The following RAD51B variants were observed in gnomAD, a reference collection of about 807,000 sequenced individuals.
RAD51B encodes the protein DNA repair protein RAD51 homolog 2.
RAD51B carries 38 observed loss-of-function variants against 42.2 expected under a neutral mutation model. The ratio of observed to expected loss-of-function variants is 0.90; its 90% CI spans 0.70 to 1.18. The LOEUF (loss-of-function observed/expected upper bound fraction) is 1.18. Among genes scored for constraint, RAD51B ranks in the 50% most tolerant of loss-of-function variants. The pLI is 0.00. For missense variants in RAD51B, 373 were observed against 400.7 expected (o/e 0.93, Z 0.59); for synonymous variants, 154 against 145.2 (o/e 1.06, Z -0.43).
chr14:68,530,005 A>G (rs1215118928), intron 10 of RAD51B, among the ~76,000 whole-genome samples: 3 of 152,258 alleles, frequency 2.0e-5, no homozygotes, highest in Non-Finnish European at 2.9e-5. Context: ...AGATAAAATT[A>G]GTGAATAGGA....
At chr14:67,833,205 G>A (rs933667854) in intron 3 of RAD51B, among the ~76,000 whole-genome samples, 7 of 152,000 alleles carry the variant, frequency 4.6e-5, no homozygotes, top group Admixed American at 1.3e-4. Flanking sequence ...GCAAAACCCC[G>A]TCTCTACTAA....
chr14:68,098,612 C>T (rs758825656), intron 7 of RAD51B, among the ~76,000 whole-genome samples: 32 of 152,230 alleles, frequency 2.1e-4, no homozygotes, highest in Non-Finnish European at 1.3e-4. Flanking sequence ...CATCAGATCT[C>T]GTGAGACTTA....
intron 10 of RAD51B, among the ~76,000 whole-genome samples, chr14:68,549,704 G>A (rs865973053): frequency 1.3e-5 from 2 of 150,710 alleles, no homozygotes; most frequent in Admixed American, 6.6e-5. Context: ...GTGAGCCACC[G>A]CGCCCGGCCG....
chr14:67,864,812 C>A, intron 4 of RAD51B, 191 bp from the exon 5 acceptor site: 1 of 923,552 alleles, frequency 1.1e-6, no homozygotes, highest in Non-Finnish European at 1.7e-6. Context: ...AGTGCCAATT[C>A]AGATGCAGAG....
intron 7 of RAD51B, among the ~76,000 whole-genome samples, chr14:68,105,953 G>A (rs908408650): frequency 6.6e-6 from 1 of 151,894 alleles, no homozygotes; most frequent in Admixed American, 6.6e-5. Flanking sequence ...AAACCAATTA[G>A]TTAGTAATGA....
At chr14:68,067,988 G>A (rs140598888) in intron 7 of RAD51B, among the ~76,000 whole-genome samples, 1 of 143,550 alleles carries the variant, frequency 7.0e-6, no homozygotes, top group East Asian at 2.2e-4. Flanking sequence ...AGTGGTATTT[G>A]AATGGGCTCT....
intron 9 of RAD51B, among the ~76,000 whole-genome samples, chr14:68,428,707 T>TA (rs2084915194): frequency 2.0e-5 from 2 of 99,594 alleles, no homozygotes; most frequent in African/African-American, 9.6e-5. Context: ...AGGATTTTCT[T>TA]TATATATATA....
intron 4 of RAD51B, among the ~76,000 whole-genome samples, chr14:67,856,219 G>A (rs576385691): frequency 6.6e-6 from 1 of 151,998 alleles, no homozygotes; most frequent in Non-Finnish European, 1.5e-5. Flanking sequence ...TTCCAAAACG[G>A]CAGCTGTCAA....
chr14:68,456,619 A>G (rs1358489286), intron 9 of RAD51B, among the ~76,000 whole-genome samples: 3 of 152,198 alleles, frequency 2.0e-5, no homozygotes, highest in African/African-American at 7.2e-5. Flanking sequence ...AGAAATAGAA[A>G]TTCAATGATA....
At chr14:68,242,688 C>T (rs961787301) in intron 7 of RAD51B, among the ~76,000 whole-genome samples, 1 of 152,180 alleles carries the variant, frequency 6.6e-6, no homozygotes, top group African/African-American at 2.4e-5. Flanking sequence ...CTGAGCCCTT[C>T]CTAGGTGCTA....
At chr14:68,632,237 G>A (rs182730112) in intron 10 of RAD51B, among the ~76,000 whole-genome samples, 1 of 152,168 alleles carries the variant, frequency 6.6e-6, no homozygotes, top group African/African-American at 2.4e-5. Flanking sequence ...CCTCCGGGAG[G>A]TTCTTTACTG....
chr14:67,960,705 C>T (rs1012107665), intron 7 of RAD51B, among the ~76,000 whole-genome samples: 1 of 152,146 alleles, frequency 6.6e-6, no homozygotes, highest in East Asian at 1.9e-4. Flanking sequence ...GTCTAGCTCT[C>T]TTGCTCAGGC....
chr14:67,905,477 C>T (rs1370240295), intron 7 of RAD51B, among the ~76,000 whole-genome samples: 1 of 152,088 alleles, frequency 6.6e-6, no homozygotes, highest in Non-Finnish European at 1.5e-5. Flanking sequence ...ATAGAAATAG[C>T]ATTGAATCTG....
intron 10 of RAD51B, among the ~76,000 whole-genome samples, chr14:68,569,410 G>A (rs17756147): frequency 0.16 from 24,205 of 152,196 alleles, 2,509 homozygotes; most frequent in Non-Finnish European, 0.24. Flanking sequence ...AAAGAGGCTC[G>A]TTTTGTGTTT....
chr14:68,292,028 C>A, intron 8 of RAD51B, 48 bp downstream of exon 8: 1 of 1,478,852 alleles, frequency 6.8e-7, no homozygotes, highest in Non-Finnish European at 9.5e-7. Context: ...TGACATAGAG[C>A]CCCACTGCCT....
At chr14:68,075,925 G>C (rs2076826405) in intron 7 of RAD51B, among the ~76,000 whole-genome samples, 1 of 152,244 alleles carries the variant, frequency 6.6e-6, no homozygotes, top group Admixed American at 6.5e-5. Flanking sequence ...GGGGCTGTCA[G>C]TTGTCTCTGG....
chr14:68,559,063 G>GTAA (rs939474591), intron 10 of RAD51B, among the ~76,000 whole-genome samples: 19 of 151,102 alleles, frequency 1.3e-4, no homozygotes, highest in African/African-American at 4.6e-4. Context: ...ATAGGTATTT[G>GTAA]TAATATATAT....
intron 7 of RAD51B, among the ~76,000 whole-genome samples, chr14:67,945,614 G>T (rs2045363553): frequency 6.6e-6 from 1 of 152,154 alleles, no homozygotes; most frequent in Non-Finnish European, 1.5e-5. Context: ...GGGATTACAG[G>T]CACACGCCAC....
intron 9 of RAD51B, among the ~76,000 whole-genome samples, chr14:68,452,574 C>A (rs2085582876): frequency 6.6e-6 from 1 of 152,158 alleles, no homozygotes. Context: ...ATTAGCCTTG[C>A]ACACATAGGC....
Sources: allele counts gnomAD v4.1 joint callset (sites outside exome capture counted in the v4.1 genomes callset), GRCh38; gene constraint gnomAD v4.1.1; transcripts MANE v1.5; gene names NCBI Gene and HGNC (gene_info 2026-07-23, HGNC 2026-07-21).